MACROD2: variants seen among roughly 807,000 people sequenced by gnomAD.
MACROD2 encodes the protein ADP-ribose glycohydrolase MACROD2.
MACROD2 carries 36 observed loss-of-function variants against 70.4 expected under a neutral mutation model. The observed-to-expected ratio is 0.51, with a 90% confidence interval of 0.39 to 0.68. The LOEUF is 0.68. Ranked by LOEUF, MACROD2 falls within the 30% of genes least tolerant of loss-of-function variation. The probability of loss-of-function intolerance (pLI) is 0.00; values close to 1 mark genes in which losing one functional copy is unlikely to be tolerated. For missense variants in MACROD2, 496 were observed against 538.4 expected (o/e 0.92, Z 0.78); for synonymous variants, 172 against 178.8 (o/e 0.96, Z 0.30).
At chr20:14,273,129 C>A (rs528394983) in intron 3 of MACROD2, among the ~76,000 whole-genome samples, 55 of 152,276 alleles carry the variant, frequency 3.6e-4, no homozygotes, top group African/African-American at 1.3e-3. Context: ...GAACTCAGCT[C>A]TGCACCAAGC....
At chr20:14,958,843 A>C (rs1165750016) in intron 5 of MACROD2, among the ~76,000 whole-genome samples, 2 of 152,132 alleles carry the variant, frequency 1.3e-5, no homozygotes, top group Non-Finnish European at 2.9e-5. Context: ...CAGATCAGGT[A>C]GGCTTGGGGT....
At chr20:15,828,174 G>T (rs146574331) in intron 8 of MACROD2, among the ~76,000 whole-genome samples, 226 of 152,240 alleles carry the variant, frequency 1.5e-3, no homozygotes, top group African/African-American at 5.2e-3. Context: ...ATGAATATTA[G>T]TTAGCTTGAT....
At chr20:15,283,933 A>G (rs2077469090) in intron 6 of MACROD2, among the ~76,000 whole-genome samples, 2 of 152,086 alleles carry the variant, frequency 1.3e-5, no homozygotes, top group Admixed American at 1.3e-4. Context: ...TCTGTACCCT[A>G]TCCCTTATTT....
chr20:16,012,325 G>T (rs1171102661), intron 15 of MACROD2, among the ~76,000 whole-genome samples: 1 of 152,116 alleles, frequency 6.6e-6, no homozygotes, highest in East Asian at 1.9e-4. Flanking sequence ...TTTCCTTTCT[G>T]AATAGAGCTG....
At chr20:15,946,546 T>C (rs1011530882) in intron 12 of MACROD2, among the ~76,000 whole-genome samples, 5 of 152,310 alleles carry the variant, frequency 3.3e-5, no homozygotes, top group East Asian at 1.9e-4. Context: ...AAACCTTAAA[T>C]GTTATCATGA....
chr20:14,576,983 T>C (rs569984207), intron 4 of MACROD2, among the ~76,000 whole-genome samples: 2 of 152,364 alleles, frequency 1.3e-5, no homozygotes, highest in Non-Finnish European at 2.9e-5. Flanking sequence ...CCATGTTCTT[T>C]TGATCTAGTC....
chr20:14,368,621 C>G (rs567212982), intron 3 of MACROD2, among the ~76,000 whole-genome samples: 1 of 151,744 alleles, frequency 6.6e-6, no homozygotes, highest in Non-Finnish European at 1.5e-5. Context: ...ATTTTTCCTT[C>G]TCCTCTGGGT....
At chr20:15,055,115 A>G (rs557969146) in intron 5 of MACROD2, among the ~76,000 whole-genome samples, 29 of 152,092 alleles carry the variant, frequency 1.9e-4, no homozygotes, top group African/African-American at 7.0e-4. Flanking sequence ...ACACCCAGCT[A>G]ATTTTTGTAT....
At chr20:14,134,822 A>AAC (rs2054773376) in intron 3 of MACROD2, among the ~76,000 whole-genome samples, 1 of 150,836 alleles carries the variant, frequency 6.6e-6, no homozygotes, top group Non-Finnish European at 1.5e-5. Context: ...AAAAAAAAAA[A>AAC]CAGCTACAAA....
chr20:15,716,433 C>T (rs148408178), intron 8 of MACROD2, among the ~76,000 whole-genome samples: 4 of 152,276 alleles, frequency 2.6e-5, no homozygotes, highest in Non-Finnish European at 2.9e-5. Flanking sequence ...CTATATTTCT[C>T]GGACTTACTT....
chr20:14,288,619 G>T (rs75056151), intron 3 of MACROD2, among the ~76,000 whole-genome samples: 2,285 of 152,192 alleles, frequency 0.015, 24 homozygotes, highest in African/African-American at 0.027. Context: ...ACCATGGGAG[G>T]TGAACCCAAT....
chr20:15,918,498 G>A (rs2065353747), intron 10 of MACROD2, among the ~76,000 whole-genome samples: 1 of 152,074 alleles, frequency 6.6e-6, no homozygotes, highest in Non-Finnish European at 1.5e-5. Context: ...TTATTTGGGG[G>A]TTTTCATAAG....
intron 15 of MACROD2, among the ~76,000 whole-genome samples, chr20:15,992,783 C>T (rs535905307): frequency 2.0e-5 from 3 of 152,262 alleles, no homozygotes; most frequent in Admixed American, 6.5e-5. Flanking sequence ...TATCAAACCA[C>T]GTGGTTTATC....
intron 3 of MACROD2, among the ~76,000 whole-genome samples, chr20:14,362,852 G>A (rs917422163): frequency 3.3e-5 from 5 of 152,124 alleles, no homozygotes; most frequent in African/African-American, 9.7e-5. Context: ...ATAGTAAAAT[G>A]TAGTAAGATA....
chr20:15,599,529 A>C (rs1042055303), intron 8 of MACROD2, among the ~76,000 whole-genome samples: 2 of 152,172 alleles, frequency 1.3e-5, no homozygotes, highest in Non-Finnish European at 2.9e-5. Context: ...GAAAACTTCC[A>C]GCCGTGTGGT....
At position 14,445,376 on chromosome 20, in the gene MACROD2, A is replaced by G. The variant is rs559138855; in HGVS notation, c.272-48103A>G. Among the ~76,000 whole-genome samples the G allele has an allele frequency of 6.4e-4, 98 of 152,222 alleles. 1 individual carries two copies. The highest frequency in any genetic ancestry group is 2.0e-3 in the African/African-American group (83 of 41,466). ...CCCATCTCTTTTGCACAATTTTCCCATAAAGGTCATTGTATAAGGCATCAA... is the reference window on the plus strand; with the variant it reads ...CCCATCTCTTTTGCACAATTTTCCCGTAAAGGTCATTGTATAAGGCATCAA... On this transcript the variant is annotated intron_variant, in intron 3 of 17. Coordinates refer to ENST00000684519, the MANE Select transcript of MACROD2 (RefSeq NM_001351661.2).
intron 9 of MACROD2, among the ~76,000 whole-genome samples, chr20:15,865,291 A>G (rs1381199255): frequency 2.0e-5 from 3 of 152,196 alleles, no homozygotes; most frequent in African/African-American, 7.2e-5. Context: ...TGCCACATGC[A>G]TAACTACTAC....
At chr20:15,914,931 A>G in intron 10 of MACROD2, among the ~76,000 whole-genome samples, 1 of 34,904 alleles carries the variant, frequency 2.9e-5, no homozygotes, top group South Asian at 1.3e-3. Flanking sequence ...TACTGCTACC[A>G]GTTAATTACA....
chr20:14,391,283 A>G (rs1261508917), intron 3 of MACROD2, among the ~76,000 whole-genome samples: 1 of 152,242 alleles, frequency 6.6e-6, no homozygotes, highest in Non-Finnish European at 1.5e-5. Context: ...ATAGAATACT[A>G]TGCAGCCATA....
Sources: gnomAD v4.1 joint callset for allele counts (sites outside exome capture counted in the v4.1 genomes callset) on GRCh38, gnomAD v4.1.1 for gene constraint, MANE v1.5 for transcripts, NCBI Gene and HGNC (gene_info 2026-07-23, HGNC 2026-07-21) for gene names.